DLGAP1: variants seen among roughly 807,000 people sequenced by gnomAD.
The protein encoded by DLGAP1 is DLG associated protein 1, also known as disks large-associated protein 1.
In DLGAP1, 11 loss-of-function variants were observed where a neutral mutation model predicts 90.8. That is an observed-to-expected ratio of 0.12 (90% CI 0.08 to 0.20). DLGAP1 has a LOEUF of 0.20. DLGAP1 is among the 10% of genes least tolerant of loss of function. The probability of loss-of-function intolerance (pLI) is 1.00; values close to 1 mark genes in which losing one functional copy is unlikely to be tolerated. For synonymous variants in DLGAP1, 558 were observed against 540.7 expected (o/e 1.03, Z -0.44); for missense variants, 1,050 against 1,333.8 (o/e 0.79, Z 3.31).
intron 6 of DLGAP1, among the ~76,000 whole-genome samples, chr18:3,733,637 G>C (rs970125358): frequency 2.6e-5 from 4 of 152,146 alleles, no homozygotes; most frequent in Non-Finnish European, 5.9e-5. Flanking sequence ...GTTGTAAGTA[G>C]AGGAGCATCT....
intron 3 of DLGAP1, among the ~76,000 whole-genome samples, chr18:3,940,945 G>C (rs1017223396): frequency 3.3e-5 from 5 of 152,164 alleles, no homozygotes; most frequent in African/African-American, 1.2e-4. Flanking sequence ...GTGACAGAGA[G>C]ACAGCATGTC....
intron 10 of DLGAP1, among the ~76,000 whole-genome samples, chr18:3,519,493 CT>C: frequency 1.3e-5 from 2 of 152,310 alleles, no homozygotes; most frequent in Non-Finnish European, 2.9e-5. Flanking sequence ...CTTCAACAAC[CT>C]TGCCTCCTAT....
At chr18:3,728,718 TA>T (rs1341910438) in intron 7 of DLGAP1, among the ~76,000 whole-genome samples, 1 of 152,222 alleles carries the variant, frequency 6.6e-6, no homozygotes. Flanking sequence ...TATCTTGGAA[TA>T]AAACAGTCAT....
intron 7 of DLGAP1, among the ~76,000 whole-genome samples, chr18:3,612,101 G>A (rs550562976): frequency 3.9e-5 from 6 of 152,310 alleles, no homozygotes; most frequent in African/African-American, 9.6e-5. Context: ...CAGTTCTGTC[G>A]TCCCAGCTGC....
At chr18:4,353,167 G>C (rs541649531) in intron 1 of DLGAP1, among the ~76,000 whole-genome samples, 1 of 152,266 alleles carries the variant, frequency 6.6e-6, no homozygotes, top group African/African-American at 2.4e-5. Context: ...GTCTTCAACT[G>C]TTCACTCTGC....
At chr18:4,071,027 A>T (rs1184325173) in intron 2 of DLGAP1, among the ~76,000 whole-genome samples, 2 of 152,152 alleles carry the variant, frequency 1.3e-5, no homozygotes, top group African/African-American at 4.8e-5. Context: ...CTAGTAACTT[A>T]TGAGAAATGT....
chr18:3,740,247 C>A (rs115879600), intron 6 of DLGAP1, among the ~76,000 whole-genome samples: 2,764 of 152,148 alleles, frequency 0.018, 94 homozygotes, highest in African/African-American at 0.062. Context: ...TAAATATGTG[C>A]TCCAAAAAGT....
intron 4 of DLGAP1, among the ~76,000 whole-genome samples, chr18:3,842,281 T>G (rs140470888): frequency 1.3e-5 from 2 of 151,736 alleles, no homozygotes; most frequent in Non-Finnish European, 2.9e-5. Flanking sequence ...GGAAATGAGA[T>G]TGTGAAGGAA....
In DLGAP1 at chr18:4,041,704, A is replaced by C. The variant is rs533648416; in HGVS notation, c.-158-36503T>G. Reference sequence around the variant, plus strand: ...GCCCCTGGACCAGTAGCAAGAAAAAACTCATTAGTTCCACTGTGGAGTTGG... The same window carrying C: ...GCCCCTGGACCAGTAGCAAGAAAAACCTCATTAGTTCCACTGTGGAGTTGG... On this transcript the variant is annotated intron_variant, in intron 2 of 12. Transcript: ENST00000315677. 2.6e-5 allele frequency among the ~76,000 whole-genome samples: 4 copies of C among 152,038 alleles called. No homozygotes were observed. The South Asian group carries it at 6.2e-4, about 24-fold the overall frequency.
At chr18:4,430,640 G>T (rs1245987550) in intron 1 of DLGAP1, 2 of 152,102 alleles carry the variant, frequency 1.3e-5, no homozygotes, top group Admixed American at 1.3e-4. Context: ...ATGTGAGAGT[G>T]AGGGTCTGAG....
At chr18:4,088,258 CCA>C (rs551728131) in intron 2 of DLGAP1, among the ~76,000 whole-genome samples, 236 of 152,164 alleles carry the variant, frequency 1.6e-3, no homozygotes, top group African/African-American at 5.5e-3. Flanking sequence ...CAATATACTT[CCA>C]GTGTTTCTCT....
In DLGAP1 at chr18:4,183,870, C is replaced by A. The variant is rs148812930; in HGVS notation, c.-266-32583G>T. On this transcript the variant is annotated intron_variant, in intron 1 of 12. Transcript: ENST00000315677. ...TTCACATCAAATATGGCCTAAGTAG[C>A]CTTTTCATTTTATTTTTCCAGAAAG... Among the ~76,000 whole-genome samples the A allele has an allele frequency of 2.6e-5, 4 of 152,184 alleles. No individual in the cohort carries two copies. The South Asian group carries it at 8.3e-4, about 32-fold the overall frequency.
chr18:3,651,335 G>T lies in DLGAP1; in HGVS notation c.1592-69087C>A, dbSNP rs571538283. ...CAATGTGCCGCTGCACTCTAGCCTG[G>T]CGATAGAGCAAGACTCTGCCTAAAA... On this transcript the variant is annotated intron_variant, in intron 7 of 12. Coordinates refer to ENST00000315677, the MANE Select transcript of DLGAP1 (RefSeq NM_004746.4). Among the ~76,000 whole-genome samples, 5 of 152,324 alleles carry T rather than the reference G, an allele frequency of 3.3e-5. No individual in the cohort carries two copies. The South Asian group carries it at 1.0e-3, about 32-fold the overall frequency.
intron 3 of DLGAP1, among the ~76,000 whole-genome samples, chr18:3,958,942 A>G (rs2073138054): frequency 6.6e-6 from 1 of 152,134 alleles, no homozygotes; most frequent in Admixed American, 6.5e-5. Context: ...TTATTCTTAG[A>G]CCTCGAACCT....
At chr18:4,052,629 G>A (rs2075152429) in intron 2 of DLGAP1, among the ~76,000 whole-genome samples, 1 of 152,128 alleles carries the variant, frequency 6.6e-6, no homozygotes, top group South Asian at 2.1e-4. Flanking sequence ...CCCATTGTTT[G>A]GTGATTAACA....
chr18:3,680,059 T>C (rs1263941107), intron 7 of DLGAP1: 3 of 152,164 alleles, frequency 2.0e-5, no homozygotes, highest in African/African-American at 7.2e-5. Context: ...CTCAAGAGAA[T>C]AGCATGGCCA....
intron 10 of DLGAP1, among the ~76,000 whole-genome samples, chr18:3,509,989 G>C (rs561496709): frequency 3.9e-5 from 6 of 152,250 alleles, no homozygotes; most frequent in African/African-American, 1.4e-4. Flanking sequence ...GATCTCGAGG[G>C]GGTCTCCCTT....
chr18:4,160,764 T>C (rs1261870380), intron 1 of DLGAP1, among the ~76,000 whole-genome samples: 2 of 152,206 alleles, frequency 1.3e-5, no homozygotes, highest in African/African-American at 4.8e-5. Flanking sequence ...TATGAATTAA[T>C]TTCCCCCTTC....
At chr18:4,449,870 G>C (rs949415940) in intron 1 of DLGAP1, among the ~76,000 whole-genome samples, 5 of 152,184 alleles carry the variant, frequency 3.3e-5, no homozygotes, top group Admixed American at 1.3e-4. Flanking sequence ...TTCTTAGCCT[G>C]CTCCATAGAA....
Sources: allele counts gnomAD v4.1 joint callset (sites outside exome capture counted in the v4.1 genomes callset), GRCh38; gene constraint gnomAD v4.1.1; transcripts MANE v1.5; gene names NCBI Gene and HGNC (gene_info 2026-07-23, HGNC 2026-07-21).